The following DLG1 variants were observed in gnomAD, a reference collection of about 807,000 sequenced individuals.
The protein encoded by DLG1 is discs large MAGUK scaffold protein 1.
In DLG1, 42 loss-of-function variants were observed where a neutral mutation model predicts 123.4. That is an observed-to-expected ratio of 0.34 (90% CI 0.27 to 0.44). DLG1 has a LOEUF of 0.44. Ranked by LOEUF, DLG1 falls within the 20% of genes least tolerant of loss-of-function variation. The pLI is 1.00. For synonymous variants in DLG1, 317 were observed against 356.2 expected, an observed-to-expected ratio of 0.89 and a Z score of 1.24; for missense variants, 942 against 1,082.6, an observed-to-expected ratio of 0.87 and a Z score of 1.82.
chr3:197,217,098 G>C (rs1263714727), intron 4 of DLG1, among the ~76,000 whole-genome samples: 1 of 152,160 alleles, frequency 6.6e-6, no homozygotes, highest in Non-Finnish European at 1.5e-5. Context: ...CATTAAACAG[G>C]ACTTAATCAT....
chr3:197,234,405 G>A (rs1003936875), intron 4 of DLG1, among the ~76,000 whole-genome samples: 2 of 152,170 alleles, frequency 1.3e-5, no homozygotes, highest in African/African-American at 4.8e-5. Flanking sequence ...AAGTATAATG[G>A]ATGAATTTAG....
intron 7 of DLG1, among the ~76,000 whole-genome samples, chr3:197,141,260 T>C (rs1787803494): frequency 2.0e-5 from 3 of 152,316 alleles, no homozygotes; most frequent in South Asian, 2.1e-4. Context: ...CAGTGGATTA[T>C]GGGAGGTTAC....
intron 14 of DLG1, among the ~76,000 whole-genome samples, chr3:197,101,659 GA>G (rs1277144860): frequency 6.6e-6 from 1 of 152,150 alleles, no homozygotes; most frequent in Non-Finnish European, 1.5e-5. Flanking sequence ...AAAATGCTGG[GA>G]TTACAGGCGT....
At chr3:197,183,499 T>C in intron 5 of DLG1, 1 of 1,310,944 alleles carries the variant, frequency 7.6e-7, no homozygotes, top group East Asian at 2.5e-5. Context: ...AAATAAAAAA[T>C]CTATATTAAG....
intron 18 of DLG1, among the ~76,000 whole-genome samples, chr3:197,074,369 A>C (rs1745929165): frequency 6.6e-6 from 1 of 152,034 alleles, no homozygotes; most frequent in Non-Finnish European, 1.5e-5. Context: ...TCTCTTCCAA[A>C]GTCTCAATCT....
At chr3:197,292,091 G>A (rs749624224) in intron 3 of DLG1, among the ~76,000 whole-genome samples, 1 of 152,080 alleles carries the variant, frequency 6.6e-6, no homozygotes, top group Non-Finnish European at 1.5e-5. Flanking sequence ...TGTAACTGCC[G>A]TATGATCCCA....
intron 1 of DLG1, chr3:197,297,563 G>A: frequency 1.9e-6 from 2 of 1,060,866 alleles, no homozygotes; most frequent in South Asian, 3.2e-5. Context: ...GGTACGGGCG[G>A]GTGAAGCGCT....
At chr3:197,248,960 C>T (rs1244172032) in intron 4 of DLG1, among the ~76,000 whole-genome samples, 1 of 152,026 alleles carries the variant, frequency 6.6e-6, no homozygotes, top group Non-Finnish European at 1.5e-5. Context: ...CTGGCCTAGG[C>T]TACAGAGCAA....
intron 4 of DLG1, among the ~76,000 whole-genome samples, chr3:197,261,162 T>C (rs1002222217): frequency 6.6e-6 from 1 of 152,218 alleles, no homozygotes; most frequent in African/African-American, 2.4e-5. Context: ...ATTCATGTCC[T>C]GTCTCCAAGA....
At chr3:197,277,353 G>A (rs564484094) in intron 4 of DLG1, among the ~76,000 whole-genome samples, 9 of 143,544 alleles carry the variant, frequency 6.3e-5, no homozygotes, top group African/African-American at 2.3e-4. Context: ...TTTTTCCAGA[G>A]GGAGTCTCAC....
At chr3:197,121,193 T>C (rs1015743759) in intron 11 of DLG1, among the ~76,000 whole-genome samples, 1 of 152,122 alleles carries the variant, frequency 6.6e-6, no homozygotes, top group African/African-American at 2.4e-5. Context: ...TAATCTCACA[T>C]GTACCACATA....
intron 4 of DLG1, among the ~76,000 whole-genome samples, chr3:197,202,722 CA>C (rs1726436338): frequency 6.6e-6 from 1 of 152,092 alleles, no homozygotes; most frequent in Non-Finnish European, 1.5e-5. Flanking sequence ...AAAACAAAAA[CA>C]AGAAGTGTAA....
intron 5 of DLG1, among the ~76,000 whole-genome samples, chr3:197,189,878 T>C (rs969674354): frequency 2.0e-5 from 3 of 152,234 alleles, no homozygotes; most frequent in African/African-American, 7.2e-5. Flanking sequence ...CTGCAAGATT[T>C]CCACCAATTT....
rs1018169430 is a variant in DLG1, at chr3:197,044,528, T to C, written c.*95A>G. ...ATGATGTGTGGGATACAATTCAACA[T>C]GAAATCAGTACTCAAGAAAGACTCC... On this transcript the variant is annotated 3_prime_UTR_variant, in exon 25 of 25. Transcript: ENST00000667157. The C allele has an allele frequency of 2.6e-5, 19 of 732,306 alleles. No individual in the cohort carries two copies. Among genetic ancestry groups the C allele is most frequent in the Non-Finnish European group, 3.0e-5 (13 of 437,924 alleles). 45.4% of individuals were successfully genotyped at this position (732,306 alleles called of 1,614,324 possible).
At chr3:197,242,845 T>C (rs1479008082) in intron 4 of DLG1, among the ~76,000 whole-genome samples, 2 of 152,282 alleles carry the variant, frequency 1.3e-5, no homozygotes, top group Admixed American at 1.3e-4. Context: ...GATTCATGCC[T>C]GTAATCTCAG....
At chr3:197,051,765 GA>G (rs1400997347) in intron 23 of DLG1, 97 bp from the exon 24 acceptor site, 2 of 820,286 alleles carry the variant, frequency 2.4e-6, no homozygotes, top group African/African-American at 3.6e-5. Flanking sequence ...AGAAAATCAT[GA>G]AAAGTTGAAC....
chr3:197,054,031 C>T lies in DLG1; in HGVS notation c.2484-2363G>A, dbSNP rs541668350. Reference sequence around the variant, plus strand: ...GCTTGAGCCCAGGAAGTTAAGACAGCAGTAACCTGGGTAAGCAGCGAGCCA... The same window carrying T: ...GCTTGAGCCCAGGAAGTTAAGACAGTAGTAACCTGGGTAAGCAGCGAGCCA... On this transcript the variant is annotated intron_variant, in intron 23 of 24. Coordinates refer to ENST00000667157, the MANE Select transcript of DLG1 (RefSeq NM_001366207.1). Among the ~76,000 whole-genome samples, 19 of 148,916 alleles carry T rather than the reference C, an allele frequency of 1.3e-4. No individual in the cohort carries two copies. The South Asian group carries it at 4.1e-3, about 32-fold the overall frequency.
chr3:197,154,272 A>G (rs1416563575), intron 5 of DLG1, among the ~76,000 whole-genome samples: 1 of 152,182 alleles, frequency 6.6e-6, no homozygotes. Flanking sequence ...ACTGTACTCT[A>G]GCCTGGGCAA....
intron 4 of DLG1, among the ~76,000 whole-genome samples, chr3:197,209,192 A>G (rs1730111420): frequency 6.8e-6 from 1 of 146,594 alleles, no homozygotes; most frequent in African/African-American, 2.4e-5. Flanking sequence ...GTGAAAGCAT[A>G]TGAATGAAAA....
Sources: allele counts gnomAD v4.1 joint callset (sites outside exome capture counted in the v4.1 genomes callset), GRCh38; gene constraint gnomAD v4.1.1; transcripts MANE v1.5; gene names NCBI Gene and HGNC (gene_info 2026-07-23, HGNC 2026-07-21).